ROBO1: variants seen among roughly 807,000 people sequenced by gnomAD.
The protein encoded by ROBO1 is roundabout guidance receptor 1.
Under a neutral mutation model 195.9 loss-of-function variants are expected in ROBO1, and 149 were observed. That is an observed-to-expected ratio of 0.76 (90% CI 0.67 to 0.87). The LOEUF is 0.87. Among genes scored for constraint, ROBO1 ranks in the 40% least tolerant of loss-of-function variants. The pLI, the probability that ROBO1 is intolerant of heterozygous loss-of-function variation, is 0.00. For synonymous variants in ROBO1, 816 were observed against 733.2 expected, an observed-to-expected ratio of 1.11 and a Z score of -1.82; for missense variants, 1,933 against 2,068.3, an observed-to-expected ratio of 0.93 and a Z score of 1.27.
chr3:79,731,487 A>G (rs189997051), intron 1 of ROBO1, among the ~76,000 whole-genome samples: 79 of 152,278 alleles, frequency 5.2e-4, no homozygotes, highest in African/African-American at 1.9e-3. Context: ...GTTAGGAGCC[A>G]CTGGATTAAA....
At chr3:79,430,201 T>G (rs2038620174) in intron 2 of ROBO1, among the ~76,000 whole-genome samples, 1 of 152,240 alleles carries the variant, frequency 6.6e-6, no homozygotes, top group Admixed American at 6.6e-5. Flanking sequence ...AAAACTGGTC[T>G]TTTGAAATAT....
intron 3 of ROBO1, among the ~76,000 whole-genome samples, chr3:79,007,107 A>T (rs1042834357): frequency 1.3e-5 from 2 of 152,196 alleles, no homozygotes; most frequent in African/African-American, 4.8e-5. Context: ...AAGGGAAATG[A>T]ATCTGTATCA....
In ROBO1 at chr3:79,362,906, C is replaced by T. The variant is rs887849692; in HGVS notation, c.88+226918G>A. Among the ~76,000 whole-genome samples the T allele has an allele frequency of 2.0e-5, 3 of 152,074 alleles. No individual in the cohort carries two copies. In the South Asian group the frequency reaches 6.2e-4, roughly 32 times the overall value. ...CCCGGGAGATAAGGAAAAAACCCAT[C>T]GCATCAGACCCAATTGCTCTTAGAG... On this transcript the variant is annotated intron_variant, in intron 2 of 30. Transcript: ENST00000464233.
chr3:79,199,898 C>G (rs1258635356), intron 2 of ROBO1, among the ~76,000 whole-genome samples: 1 of 151,602 alleles, frequency 6.6e-6, no homozygotes, highest in African/African-American at 2.4e-5. Flanking sequence ...GTGAATAATG[C>G]AATATTTTCT....
At chr3:78,641,376 G>A (rs977586954) in intron 21 of ROBO1, among the ~76,000 whole-genome samples, 3 of 152,108 alleles carry the variant, frequency 2.0e-5, no homozygotes, top group Non-Finnish European at 4.4e-5. Context: ...TAAAGCTCTG[G>A]AATATTCTTA....
intron 1 of ROBO1, among the ~76,000 whole-genome samples, chr3:79,635,953 C>T (rs1214562323): frequency 1.3e-5 from 2 of 152,092 alleles, no homozygotes; most frequent in East Asian, 3.9e-4. Context: ...CTAATATAGA[C>T]TGTTAGTTCC....
intron 3 of ROBO1, among the ~76,000 whole-genome samples, chr3:78,950,688 AT>A (rs1302263134): frequency 6.8e-6 from 1 of 146,294 alleles, no homozygotes; most frequent in Non-Finnish European, 1.5e-5. Context: ...GTAATATTAA[AT>A]TAAAAAAAAA....
At chr3:79,324,541 A>C (rs1416831069) in intron 2 of ROBO1, among the ~76,000 whole-genome samples, 1 of 152,180 alleles carries the variant, frequency 6.6e-6, no homozygotes, top group Admixed American at 6.6e-5. Context: ...AACCTCAATG[A>C]CAAGAGAGAG....
intron 1 of ROBO1, among the ~76,000 whole-genome samples, chr3:79,606,777 T>G (rs1944500154): frequency 6.6e-6 from 1 of 151,992 alleles, no homozygotes; most frequent in Admixed American, 6.6e-5. Context: ...ATTATTATTA[T>G]ATTTTTCAAG....
chr3:78,681,790 T>G (rs1026374784), intron 10 of ROBO1, among the ~76,000 whole-genome samples: 1 of 152,264 alleles, frequency 6.6e-6, no homozygotes, highest in Admixed American at 6.5e-5. Flanking sequence ...CAGTCCCAGC[T>G]ACTCGAGAGG....
At chr3:78,868,704 G>A (rs1006972182) in intron 4 of ROBO1, among the ~76,000 whole-genome samples, 45 of 152,022 alleles carry the variant, frequency 3.0e-4, no homozygotes, top group African/African-American at 1.1e-3. Flanking sequence ...AGCAGGAAGG[G>A]AATTATGCAC....
At chr3:79,219,951 G>T (rs577129271) in intron 2 of ROBO1, among the ~76,000 whole-genome samples, 2 of 151,972 alleles carry the variant, frequency 1.3e-5, no homozygotes, top group East Asian at 3.9e-4. Context: ...AACTGTAAAG[G>T]TATACAGTAA....
At chr3:78,881,406 A>G (rs1476810921) in intron 4 of ROBO1, among the ~76,000 whole-genome samples, 3 of 152,190 alleles carry the variant, frequency 2.0e-5, no homozygotes, top group African/African-American at 7.2e-5. Flanking sequence ...GGTTAGTCTC[A>G]TGTATGGAGA....
chr3:79,507,156 A>G (rs146588895), intron 2 of ROBO1, among the ~76,000 whole-genome samples: 14 of 152,322 alleles, frequency 9.2e-5, no homozygotes, highest in African/African-American at 2.9e-4. Context: ...GTTTATTAAA[A>G]GCAGGAGAGT....
At chr3:79,538,848 AT>A (rs1173622288) in intron 2 of ROBO1, among the ~76,000 whole-genome samples, 1 of 152,238 alleles carries the variant, frequency 6.6e-6, no homozygotes, top group East Asian at 1.9e-4. Context: ...GTTAAATTTT[AT>A]TTTTTGTAAT....
intron 2 of ROBO1, among the ~76,000 whole-genome samples, chr3:79,405,915 A>T (rs1362426509): frequency 6.6e-6 from 1 of 152,192 alleles, no homozygotes; most frequent in African/African-American, 2.4e-5. Flanking sequence ...AGAAGAGGAA[A>T]AAACTGTTTT....
chr3:79,528,156 G>C (rs990936449), intron 2 of ROBO1, among the ~76,000 whole-genome samples: 4 of 152,156 alleles, frequency 2.6e-5, no homozygotes, highest in African/African-American at 7.2e-5. Context: ...AGTGTAAAAA[G>C]CATTTTTGTC....
intron 26 of ROBO1, among the ~76,000 whole-genome samples, chr3:78,626,857 CTA>C (rs1218045990): frequency 2.0e-5 from 3 of 152,136 alleles, no homozygotes; most frequent in African/African-American, 7.2e-5. Context: ...CACAAAAAGA[CTA>C]TGAGAAACTC....
intron 1 of ROBO1, among the ~76,000 whole-genome samples, chr3:79,611,904 G>T (rs904943303): frequency 9.9e-5 from 15 of 151,790 alleles, no homozygotes; most frequent in Middle Eastern, 3.4e-3. Flanking sequence ...AACAAAAAAA[G>T]AATAAAGTCC....
Sources: allele counts gnomAD v4.1 joint callset (sites outside exome capture counted in the v4.1 genomes callset), GRCh38; gene constraint gnomAD v4.1.1; transcripts MANE v1.5; gene names NCBI Gene and HGNC (gene_info 2026-07-23, HGNC 2026-07-21).